The following TTL variants were observed in gnomAD, a reference collection of about 807,000 sequenced individuals.
TTL encodes tubulin tyrosine ligase.
In TTL, 10 loss-of-function variants were observed where a neutral mutation model predicts 41.1. That is an observed-to-expected ratio of 0.24 (90% CI 0.15 to 0.41). The LOEUF is 0.41. TTL is among the 10% of genes least tolerant of loss of function. The pLI is 1.00. For synonymous variants in TTL, 175 were observed against 175.5 expected, an observed-to-expected ratio of 1.00 and a Z score of 0.02; for missense variants, 367 against 460.4, an observed-to-expected ratio of 0.80 and a Z score of 1.86.
chr2:112,538,729 G>A lies in TTL; in HGVS notation c.*9934G>A, dbSNP rs1682648005. The A allele has an allele frequency of 6.6e-6, 1 of 152,192 alleles. No homozygotes were observed. The highest frequency in any genetic ancestry group is 2.1e-4 in the South Asian group (1 of 4,832). The allele number at this position is 152,192 out of a possible 1,614,324, so 9.4% of individuals were successfully genotyped here. A position where few individuals can be genotyped will look rare whatever the true frequency, so the allele number is the denominator to read the frequency against. On this transcript the variant is annotated 3_prime_UTR_variant, in exon 7 of 7. Transcript: ENST00000233336. Reference sequence around the variant, plus strand: ...AGAAGAGGAGGTTGCAGTGAGCAGAGATCGCACAACTGCTCTCTGTCCTAG... The same window carrying A: ...AGAAGAGGAGGTTGCAGTGAGCAGAAATCGCACAACTGCTCTCTGTCCTAG...
intron 3 of TTL, among the ~76,000 whole-genome samples, chr2:112,497,295 G>A (rs1043244151): frequency 1.7e-4 from 26 of 151,964 alleles, no homozygotes; most frequent in African/African-American, 5.5e-4. Context: ...GGGATTACAG[G>A]CATGAGCCAT....
At position 112,511,232 on chromosome 2, in the gene TTL, C is replaced by T. The variant is rs1452505823; in HGVS notation, c.875+8051C>T. On this transcript the variant is annotated intron_variant, in intron 5 of 6. Transcript: ENST00000233336. ...CCCTGTTGCCCAAGCTGGTCTCGAACTCTTGGGCTCAAGCAATTCTCCCAT... is the reference window on the plus strand; with the variant it reads ...CCCTGTTGCCCAAGCTGGTCTCGAATTCTTGGGCTCAAGCAATTCTCCCAT... Among the ~76,000 whole-genome samples the T allele has an allele frequency of 3.3e-5, 5 of 151,866 alleles. No individual in the cohort carries two copies. In the East Asian group the frequency reaches 7.7e-4, roughly 24 times the overall value.
chr2:112,494,466 C>T (rs574375107), intron 3 of TTL, 91 bp downstream of exon 3: 7 of 1,019,504 alleles, frequency 6.9e-6, no homozygotes, highest in South Asian at 3.2e-5. Flanking sequence ...TCTGAATCAT[C>T]GAAGGTTGAG....
At chr2:112,490,332 C>T (rs1374505485) in intron 2 of TTL, among the ~76,000 whole-genome samples, 28 of 152,070 alleles carry the variant, frequency 1.8e-4, no homozygotes, top group East Asian at 7.8e-4. Context: ...GCACAAGAAT[C>T]GCTTGAGCCG....
chr2:112,496,276 T>A (rs181976834), intron 3 of TTL, among the ~76,000 whole-genome samples: 1 of 152,336 alleles, frequency 6.6e-6, no homozygotes, highest in East Asian at 1.9e-4. Context: ...TAAAGACTTT[T>A]TGCTTTAAGA....
Position 112,531,666 on chromosome 2 carries a change from A to G in TTL, c.*2871A>G, listed in dbSNP as rs1006444174. 6.7e-5 allele frequency: 15 copies of G among 225,336 alleles called. No homozygotes were observed. Among genetic ancestry groups the G allele is most frequent in the Middle Eastern group, 1.3e-3 (1 of 760 alleles). 14.0% of individuals were successfully genotyped at this position (225,336 alleles called of 1,614,324 possible). A position where few individuals can be genotyped will look rare whatever the true frequency, so the allele number is the denominator to read the frequency against. ...GACAAACACATTATTATCTTGGAAG[A>G]ATTGCATAAGGCTTATGACTTAAAA... On this transcript the variant is annotated 3_prime_UTR_variant, in exon 7 of 7. Transcript: ENST00000233336.
At chr2:112,525,494 A>G (rs1252004794) in intron 6 of TTL, among the ~76,000 whole-genome samples, 1 of 152,128 alleles carries the variant, frequency 6.6e-6, no homozygotes, top group Non-Finnish European at 1.5e-5. Context: ...TTCTCCTTGA[A>G]GAGGTCCTTT....
In TTL at chr2:112,530,540, C is replaced by T. The variant is rs185715030; in HGVS notation, c.*1745C>T. On this transcript the variant is annotated 3_prime_UTR_variant, in exon 7 of 7. Transcript: ENST00000233336. ...TTCTGAGATGGGAGTGAGATCTGAT[C>T]GGATCCTGGGAAGATGTATACCCAG... The T allele has an allele frequency of 8.7e-6, 2 of 228,586 alleles. No individual in the cohort carries two copies. The highest frequency in any genetic ancestry group is 2.2e-5 in the African/African-American group (1 of 44,990). The allele number at this position is 228,586 out of a possible 1,614,324, so 14.2% of individuals were successfully genotyped here. A position where few individuals can be genotyped will look rare whatever the true frequency, so the allele number is the denominator to read the frequency against.
intron 5 of TTL, among the ~76,000 whole-genome samples, chr2:112,509,644 G>A (rs1362159820): frequency 6.6e-6 from 1 of 152,154 alleles, no homozygotes; most frequent in East Asian, 1.9e-4. Context: ...GCGCTTCCCA[G>A]GTGAGGCAAT....
At chr2:112,520,163 T>C in intron 5 of TTL, 119 bp from the exon 6 acceptor site, 1 of 1,075,364 alleles carries the variant, frequency 9.3e-7, no homozygotes, top group Non-Finnish European at 1.3e-6. Flanking sequence ...AAACAGAGAA[T>C]TAAAGCTGAT....
chr2:112,507,758 G>A (rs1397282682), intron 5 of TTL, among the ~76,000 whole-genome samples: 2 of 150,864 alleles, frequency 1.3e-5, no homozygotes, highest in Non-Finnish European at 2.9e-5. Context: ...GATGGGTCTT[G>A]ACTCTATCCA....
rs1682516450 is a variant in TTL, at chr2:112,531,843, A to T, written c.*3048A>T. On this transcript the variant is annotated 3_prime_UTR_variant, in exon 7 of 7. Transcript: ENST00000233336. ...AACTCAAACATGCTTTCATTTACAT[A>T]AATAGTTTATGAAGCTTTGACAACA... is the stretch of plus-strand genomic sequence containing the variant. 3 of 222,874 alleles carry T rather than the reference A, an allele frequency of 1.3e-5. No individual in the cohort carries two copies. Among genetic ancestry groups the T allele is most frequent in the Admixed American group, 5.7e-5 (1 of 17,428 alleles). The allele number at this position is 222,874 out of a possible 1,614,324, so 13.8% of individuals were successfully genotyped here. A position where few individuals can be genotyped will look rare whatever the true frequency, so the allele number is the denominator to read the frequency against.
chr2:112,494,520 A>T, intron 3 of TTL, 145 bp downstream of exon 3: 1 of 655,326 alleles, frequency 1.5e-6, no homozygotes, highest in Non-Finnish European at 2.6e-6. Context: ...CTATGTACTG[A>T]TGCCTTCTAA....
In TTL at chr2:112,520,209, T is replaced by C. The variant is rs563609102; in HGVS notation, c.876-73T>C. 262 of 1,552,982 alleles carry C rather than the reference T, an allele frequency of 1.7e-4. No individual in the cohort carries two copies. The African/African-American group carries it at 3.3e-3, about 19-fold the overall frequency. On this transcript the variant is annotated intron_variant, in intron 5 of 6. Coordinates refer to ENST00000233336, the MANE Select transcript of TTL (RefSeq NM_153712.5). ...TTGTATTCATCTCATATAAAATCTT[T>C]CAAGCACACCTCATGTCTTCCTTCT...
At chr2:112,486,515 G>A (rs538869265) in intron 2 of TTL, among the ~76,000 whole-genome samples, 24 of 152,354 alleles carry the variant, frequency 1.6e-4, no homozygotes, top group Admixed American at 6.5e-4. Flanking sequence ...TATATAGCCC[G>A]TAGCATCCTT....
At position 112,530,972 on chromosome 2, in the gene TTL, A is replaced by G. The variant is rs1682493214; in HGVS notation, c.*2177A>G. On this transcript the variant is annotated 3_prime_UTR_variant, in exon 7 of 7. Coordinates refer to ENST00000233336, the MANE Select transcript of TTL (RefSeq NM_153712.5). ...TTTAAATAAATTTTAAATAAATTTT[A>G]AATAAAATTTTACAGAGACGTGGTC... The G allele has an allele frequency of 5.6e-6, 1 of 179,868 alleles. No individual in the cohort carries two copies. Among genetic ancestry groups the G allele is most frequent in the Non-Finnish European group, 1.2e-5 (1 of 84,134 alleles). 11.1% of individuals were successfully genotyped at this position (179,868 alleles called of 1,614,324 possible).
At chr2:112,523,979 G>A (rs1337848374) in intron 6 of TTL, among the ~76,000 whole-genome samples, 1 of 152,008 alleles carries the variant, frequency 6.6e-6, no homozygotes, top group Non-Finnish European at 1.5e-5. Flanking sequence ...GGTGTGTGAT[G>A]TTCCCCATCC....
chr2:112,500,484 T>C (rs1681660601), intron 3 of TTL, among the ~76,000 whole-genome samples: 3 of 152,208 alleles, frequency 2.0e-5, no homozygotes, highest in Admixed American at 2.0e-4. Context: ...GGCAGGAGAA[T>C]TGCTTGAACC....
intron 3 of TTL, among the ~76,000 whole-genome samples, chr2:112,496,665 C>CTGTGTG (rs10635241): frequency 0.018 from 1,878 of 106,010 alleles, 43 homozygotes; most frequent in African/African-American, 0.044. Context: ...ATATATGTGT[C>CTGTGTG]TGTGTGTGTG....
Sources: allele counts gnomAD v4.1 joint callset (sites outside exome capture counted in the v4.1 genomes callset), GRCh38; gene constraint gnomAD v4.1.1; transcripts MANE v1.5; gene names NCBI Gene and HGNC (gene_info 2026-07-23, HGNC 2026-07-21).